Variants in SBF2 observed in about 807,000 individuals in gnomAD.
The protein encoded by SBF2 is myotubularin-related protein 13.
A neutral mutation model predicts 225.2 loss-of-function variants in SBF2; 112 were observed. The ratio of observed to expected loss-of-function variants is 0.50; its 90% CI spans 0.43 to 0.58. SBF2 has a LOEUF of 0.58. Among genes scored for constraint, SBF2 ranks in the 20% least tolerant of loss-of-function variants. The probability of loss-of-function intolerance (pLI) is 0.00; values close to 1 mark genes in which losing one functional copy is unlikely to be tolerated. For missense variants in SBF2, 1,996 were observed against 2,206.2 expected, an observed-to-expected ratio of 0.90 and a Z score of 1.91; for synonymous variants, 763 against 773.3, an observed-to-expected ratio of 0.99 and a Z score of 0.22.
chr11:10,045,889 A>C (rs1312793640), intron 2 of SBF2, among the ~76,000 whole-genome samples: 2 of 152,232 alleles, frequency 1.3e-5, no homozygotes, highest in East Asian at 1.9e-4. Context: ...CATTTAAGGA[A>C]GAAGTTACAG....
intron 2 of SBF2, among the ~76,000 whole-genome samples, chr11:10,058,073 G>A (rs534913945): frequency 4.6e-5 from 7 of 152,296 alleles, no homozygotes; most frequent in African/African-American, 1.7e-4. Context: ...AGAACAGTGC[G>A]AGAACTCTGT....
At chr11:10,172,841 A>AT (rs1159498759) in intron 2 of SBF2, among the ~76,000 whole-genome samples, 4 of 151,724 alleles carry the variant, frequency 2.6e-5, no homozygotes, top group Non-Finnish European at 5.9e-5. Flanking sequence ...TAATTTTTAT[A>AT]TTTTTTAGTA....
intron 2 of SBF2, among the ~76,000 whole-genome samples, chr11:10,182,744 G>A (rs1220344190): frequency 1.3e-5 from 2 of 150,378 alleles, no homozygotes; most frequent in African/African-American, 5.0e-5. Flanking sequence ...TTTTGTTGTT[G>A]TTGTTGTTGT....
At chr11:10,024,717 C>A (rs963755696) in intron 6 of SBF2, among the ~76,000 whole-genome samples, 5 of 152,152 alleles carry the variant, frequency 3.3e-5, no homozygotes, top group Admixed American at 3.3e-4. Flanking sequence ...CCTGTACCCC[C>A]AAGCCTGAGA....
intron 1 of SBF2, among the ~76,000 whole-genome samples, chr11:10,272,865 G>C (rs1962626715): frequency 6.6e-6 from 1 of 150,962 alleles, no homozygotes; most frequent in Non-Finnish European, 1.5e-5. Context: ...GAGGTCAAGA[G>C]TTCGAGAGAG....
chr11:10,130,363 GA>G (rs59879686), intron 2 of SBF2, among the ~76,000 whole-genome samples: 85 of 134,750 alleles, frequency 6.3e-4, no homozygotes, highest in East Asian at 3.5e-3. Flanking sequence ...CACCATCTCA[GA>G]AAAAAAAAAA....
chr11:10,134,211 C>T (rs1008856767), intron 2 of SBF2, among the ~76,000 whole-genome samples: 3 of 152,154 alleles, frequency 2.0e-5, no homozygotes, highest in Non-Finnish European at 4.4e-5. Flanking sequence ...TCTCATGAGA[C>T]TTATTCACTA....
chr11:9,911,074 C>CAA (rs201283264), intron 16 of SBF2, among the ~76,000 whole-genome samples: 1 of 141,466 alleles, frequency 7.1e-6, no homozygotes, highest in African/African-American at 2.6e-5. Context: ...ACAAAAAAAA[C>CAA]AAAAAAAACA....
rs558235332 is a variant in SBF2, at chr11:10,028,512, G to C, written c.559C>G (p.Pro187Ala). 3.1e-6 allele frequency: 5 copies of C among 1,613,880 alleles called. No homozygotes were observed. Among genetic ancestry groups the C allele is most frequent in the Non-Finnish European group, 4.2e-6 (5 of 1,179,846 alleles). ...GAGDRQLIQTPLHDSLPITGT... is the reference protein window; with the variant it reads ...GAGDRQLIQTALHDSLPITGT... Reference sequence around the variant, plus strand: ...GTGATAGGAAGACTATCATGTAAAGGAGTCTGGATCAACTGTCTATCTCCT... The same window carrying C: ...GTGATAGGAAGACTATCATGTAAAGCAGTCTGGATCAACTGTCTATCTCCT... Residue 187 changes from proline to alanine, a missense_variant, in exon 6 of 40, where the codon CCT becomes GCT. Transcript: ENST00000256190.
intron 2 of SBF2, among the ~76,000 whole-genome samples, chr11:10,054,426 A>G (rs1004852187): frequency 6.6e-6 from 1 of 152,234 alleles, no homozygotes; most frequent in Non-Finnish European, 1.5e-5. Context: ...AAGACAAAGG[A>G]TAAGCTAACC....
chr11:9,946,216 A>C (rs117444997), intron 16 of SBF2, among the ~76,000 whole-genome samples: 1 of 152,188 alleles, frequency 6.6e-6, no homozygotes, highest in Non-Finnish European at 1.5e-5. Context: ...GATAAAGAAA[A>C]TGTGGTACAC....
intron 2 of SBF2, among the ~76,000 whole-genome samples, chr11:10,054,348 A>T (rs900656840): frequency 1.3e-5 from 2 of 152,214 alleles, no homozygotes; most frequent in Non-Finnish European, 2.9e-5. Flanking sequence ...ACAAATCAAA[A>T]GTTTTCTTTG....
intron 17 of SBF2, among the ~76,000 whole-genome samples, chr11:9,861,597 G>A (rs1020779410): frequency 6.6e-6 from 1 of 151,334 alleles, no homozygotes; most frequent in East Asian, 1.9e-4. Context: ...CTGGGAGGTG[G>A]AGGTTGCAGT....
chr11:9,958,263 A>T (rs1866312759), intron 16 of SBF2: 1 of 152,254 alleles, frequency 6.6e-6, no homozygotes, highest in African/African-American at 2.4e-5. Flanking sequence ...AGATGTGAAG[A>T]AATTAATAAT....
At position 10,261,207 on chromosome 11, in the gene SBF2, G is replaced by C. The variant is rs546699138; in HGVS notation, c.55+32808C>G. Among the ~76,000 whole-genome samples the C allele has an allele frequency of 4.6e-5, 7 of 152,200 alleles. No individual in the cohort carries two copies. In the South Asian group the frequency reaches 1.5e-3, roughly 32 times the overall value. Reference sequence around the variant, plus strand: ...TAACTGAAATTCTCTTTTTGTTGTAGTTGTTTTGATTTTGAAACAGTATCT... The same window carrying C: ...TAACTGAAATTCTCTTTTTGTTGTACTTGTTTTGATTTTGAAACAGTATCT... On this transcript the variant is annotated intron_variant, in intron 1 of 39. Coordinates refer to ENST00000256190, the MANE Select transcript of SBF2 (RefSeq NM_030962.4).
chr11:10,252,324 T>G (rs1266272589), intron 1 of SBF2, among the ~76,000 whole-genome samples: 2 of 152,242 alleles, frequency 1.3e-5, no homozygotes, highest in Non-Finnish European at 2.9e-5. Flanking sequence ...AAATATGGCC[T>G]GAGAAGGACT....
At chr11:9,891,217 GAAT>G (rs773476361) in intron 17 of SBF2, among the ~76,000 whole-genome samples, 3 of 151,756 alleles carry the variant, frequency 2.0e-5, no homozygotes, top group Non-Finnish European at 2.9e-5. Flanking sequence ...TGTTGGGAAG[GAAT>G]AATACAAAAG....
At chr11:10,176,004 T>C in intron 2 of SBF2, among the ~76,000 whole-genome samples, 1 of 129,844 alleles carries the variant, frequency 7.7e-6, no homozygotes, top group South Asian at 2.9e-4. Flanking sequence ...CTGGGACACA[T>C]TCAAAGCATT....
At chr11:9,782,507 A>ATTTG (rs1852080614) in intron 38 of SBF2, among the ~76,000 whole-genome samples, 1 of 152,222 alleles carries the variant, frequency 6.6e-6, no homozygotes, top group South Asian at 2.1e-4. Context: ...TGTGAATATA[A>ATTTG]TTTGTTAGAA....
Sources: allele counts gnomAD v4.1 joint callset (sites outside exome capture counted in the v4.1 genomes callset), GRCh38; gene constraint gnomAD v4.1.1; transcripts MANE v1.5; gene names NCBI Gene and HGNC (gene_info 2026-07-23, HGNC 2026-07-21).